UBXN4: variants seen among roughly 807,000 people sequenced by gnomAD.
The protein encoded by UBXN4 is UBX domain-containing protein 4.
Under a neutral mutation model 66.2 loss-of-function variants are expected in UBXN4, and 35 were observed. The observed-to-expected ratio is 0.53, with a 90% CI of 0.40 to 0.70. The LOEUF is 0.70. Ranked by LOEUF, UBXN4 falls within the 30% of genes least tolerant of loss-of-function variation. The pLI is 0.00. For synonymous variants in UBXN4, 203 were observed against 204.5 expected, an observed-to-expected ratio of 0.99 and a Z score of 0.06; for missense variants, 533 against 599.8, an observed-to-expected ratio of 0.89 and a Z score of 1.16.
intron 4 of UBXN4, 51 bp downstream of exon 4, chr2:135,754,328 A>AC: frequency 8.1e-7 from 1 of 1,236,266 alleles, no homozygotes; most frequent in Non-Finnish European, 1.1e-6. Context: ...CAGGAATTGG[A>AC]TTTTTTTTTT....
chr2:135,746,352 G>C (rs1236198383), intron 1 of UBXN4, among the ~76,000 whole-genome samples: 1 of 152,130 alleles, frequency 6.6e-6, no homozygotes, highest in East Asian at 1.9e-4. Flanking sequence ...AGAGATTTTA[G>C]TCTTGTCAGT....
chr2:135,746,513 C>G (rs1038870422), intron 1 of UBXN4, among the ~76,000 whole-genome samples: 2 of 152,080 alleles, frequency 1.3e-5, no homozygotes, highest in Non-Finnish European at 2.9e-5. Context: ...TTGGGAATGT[C>G]TCAAGAGTGT....
At chr2:135,762,049 AT>A in intron 6 of UBXN4, 138 bp downstream of exon 6, 1 of 803,300 alleles carries the variant, frequency 1.2e-6, no homozygotes, top group Non-Finnish European at 2.0e-6. Flanking sequence ...CACCTAACTA[AT>A]TTGTATCCAT....
chr2:135,748,409 A>G (rs751726541), intron 2 of UBXN4, 40 bp downstream of exon 2: 50 of 1,410,814 alleles, frequency 3.5e-5, no homozygotes, highest in Middle Eastern at 2.5e-4. Context: ...TTTAAAATTT[A>G]TAAGTATTGT....
rs1252152069 is a variant in UBXN4, at chr2:135,755,585, A to C, written c.402A>C (p.Pro134=). Residue 134 remains proline, a synonymous_variant, in exon 5 of 13, where the codon CCA becomes CCC. Coordinates refer to ENST00000272638, the MANE Select transcript of UBXN4 (RefSeq NM_014607.4). ...GSQSESSVST[P]SASFEPNNTC... ...AGTCAGAAAGTTCAGTGTCTACTCC[A>C]TCTGCGTCATTTGAACCTAACAACA... The C allele has an allele frequency of 1.2e-6, 2 of 1,609,826 alleles. No individual in the cohort carries two copies. Among genetic ancestry groups the C allele is most frequent in the African/African-American group, 2.7e-5 (2 of 74,738 alleles).
intron 6 of UBXN4, among the ~76,000 whole-genome samples, chr2:135,765,018 TG>T (rs2077338399): frequency 6.6e-6 from 1 of 152,172 alleles, no homozygotes; most frequent in Non-Finnish European, 1.5e-5. Context: ...TTTGCCATGT[TG>T]GCCAGGCTGG....
chr2:135,779,323 A>C (rs368929355), intron 11 of UBXN4, among the ~76,000 whole-genome samples: 1 of 374 alleles, frequency 2.7e-3, no homozygotes, highest in African/African-American at 2.9e-3. Flanking sequence ...TTTTGTGTAC[A>C]AAAAAAATGA....
intron 12 of UBXN4, among the ~76,000 whole-genome samples, chr2:135,782,139 T>C (rs1199974757): frequency 6.6e-6 from 1 of 152,166 alleles, no homozygotes; most frequent in Non-Finnish European, 1.5e-5. Context: ...GAGCAAAGGA[T>C]GGAATAAAAG....
At chr2:135,763,026 T>A (rs932930880) in intron 6 of UBXN4, among the ~76,000 whole-genome samples, 2 of 152,202 alleles carry the variant, frequency 1.3e-5, no homozygotes, top group African/African-American at 2.4e-5. Context: ...CATTCTTATG[T>A]AGGGGAATGT....
chr2:135,780,036 A>G (rs887670000), intron 11 of UBXN4, 147 bp from the exon 12 acceptor site: 2 of 664,462 alleles, frequency 3.0e-6, no homozygotes, highest in African/African-American at 3.6e-5. Flanking sequence ...TATACGTGAA[A>G]AACAGCAAAA....
chr2:135,753,355 A>G (rs532028549), intron 2 of UBXN4, among the ~76,000 whole-genome samples, 184 bp from the exon 3 acceptor site: 9 of 152,326 alleles, frequency 5.9e-5, no homozygotes, highest in Non-Finnish European at 1.0e-4. Context: ...AAATTATAAA[A>G]CAAACCAGAA....
intron 10 of UBXN4, among the ~76,000 whole-genome samples, chr2:135,777,279 A>G (rs2077422029): frequency 6.6e-6 from 1 of 152,092 alleles, no homozygotes; most frequent in African/African-American, 2.4e-5. Context: ...TAGGCTCATT[A>G]TATGTATCAG....
intron 8 of UBXN4, among the ~76,000 whole-genome samples, chr2:135,772,045 C>T (rs1255129093): frequency 1.3e-5 from 2 of 151,666 alleles, no homozygotes; most frequent in African/African-American, 4.8e-5. Context: ...GCAGCAAAGG[C>T]ACAGTGGCTC....
intron 10 of UBXN4, among the ~76,000 whole-genome samples, chr2:135,778,198 A>C (rs535491898): frequency 1.6e-4 from 24 of 151,196 alleles, no homozygotes; most frequent in South Asian, 4.2e-4. Context: ...ACAAAAAAAA[A>C]CCCAAAAAAC....
chr2:135,781,303 C>T (rs963403608), intron 12 of UBXN4, among the ~76,000 whole-genome samples: 5 of 152,190 alleles, frequency 3.3e-5, no homozygotes, highest in East Asian at 1.9e-4. Flanking sequence ...AATTTTAACT[C>T]CTATCTTTGT....
At chr2:135,759,433 T>G (rs1021719390) in intron 5 of UBXN4, among the ~76,000 whole-genome samples, 2 of 152,174 alleles carry the variant, frequency 1.3e-5, no homozygotes, top group African/African-American at 4.8e-5. Context: ...GTTTTTAAAT[T>G]TAATATATAG....
At chr2:135,748,427 T>G in intron 2 of UBXN4, 58 bp downstream of exon 2, 10 of 1,261,814 alleles carry the variant, frequency 7.9e-6, no homozygotes, top group Non-Finnish European at 1.1e-5. Context: ...TGTCTTTGAT[T>G]TATAGTGATA....
chr2:135,776,655 G>C (rs1316422097), intron 10 of UBXN4, among the ~76,000 whole-genome samples: 2 of 152,178 alleles, frequency 1.3e-5, no homozygotes, highest in Admixed American at 1.3e-4. Flanking sequence ...GTGCAGTGGT[G>C]CGATCACAGC....
chr2:135,773,806 TAATG>T (rs1262804919), intron 9 of UBXN4, among the ~76,000 whole-genome samples: 1 of 152,182 alleles, frequency 6.6e-6, no homozygotes, highest in Non-Finnish European at 1.5e-5. Context: ...TTTCCAAAAA[TAATG>T]AAGTAATAAA....
Sources: allele counts gnomAD v4.1 joint callset (sites outside exome capture counted in the v4.1 genomes callset), GRCh38; gene constraint gnomAD v4.1.1; transcripts MANE v1.5; gene names NCBI Gene and HGNC (gene_info 2026-07-23, HGNC 2026-07-21).